The following GRAMD1B variants were observed in gnomAD, a reference collection of about 807,000 sequenced individuals.
GRAMD1B encodes protein Aster-B.
In GRAMD1B, 37 loss-of-function variants were observed where a neutral mutation model predicts 99.7. The observed-to-expected ratio is 0.37, with a 90% CI of 0.29 to 0.49. GRAMD1B has a LOEUF of 0.49. Ranked by LOEUF, GRAMD1B falls within the 20% of genes least tolerant of loss-of-function variation. The probability of loss-of-function intolerance (pLI) is 0.98; values close to 1 mark genes in which losing one functional copy is unlikely to be tolerated. For missense variants in GRAMD1B, 888 were observed against 1,009.2 expected (o/e 0.88, Z 1.63); for synonymous variants, 427 against 387.6 (o/e 1.10, Z -1.19).
At chr11:123,406,040 A>T (rs1481497952) in intron 1 of GRAMD1B, among the ~76,000 whole-genome samples, 31 of 148,006 alleles carry the variant, frequency 2.1e-4, no homozygotes, top group African/African-American at 7.3e-4. Flanking sequence ...TTTGAGACAG[A>T]GTCTTGCTCT....
At chr11:123,621,314 A>G (rs1955090426) in intron 19 of GRAMD1B, among the ~76,000 whole-genome samples, 1 of 152,206 alleles carries the variant, frequency 6.6e-6, no homozygotes, top group South Asian at 2.1e-4. Flanking sequence ...TGATGGTATG[A>G]TGGGCCATTT....
rs1417991712 is a variant in GRAMD1B at position 123,430,860 on chromosome 11, C to A, written c.68C>A (p.Ala23Glu). The change falls in exon 1 of 20, where the codon GCG (alanine) becomes GAG (glutamate). Residue 23 changes from alanine to glutamate, a missense_variant. Physicochemically the swap from Ala to Glu is moderately radical, Grantham distance 107. Around this residue, in one of 5 missense-constraint regions of GRAMD1B, gnomAD observed 233 missense variants for 154.6 expected, o/e 1.51. Transcript: ENST00000635736. ...PALQVPEPQGAPEGSPVWSSS... is the reference protein window; with the variant it reads ...PALQVPEPQGEPEGSPVWSSS... Reference sequence around the variant, plus strand: ...CTGCAGGTGCCCGAGCCGCAGGGTGCGCCCGAGGGCAGCCCGGTCTGGTCC... The same window carrying A: ...CTGCAGGTGCCCGAGCCGCAGGGTGAGCCCGAGGGCAGCCCGGTCTGGTCC... 1.4e-6 allele frequency: 1 copy of A among 701,286 alleles called. No homozygotes were observed. The highest frequency in any genetic ancestry group is 2.6e-6 in the Non-Finnish European group (1 of 384,326). The allele number at this position is 701,286 out of a possible 1,614,324, so 43.4% of individuals were successfully genotyped here. A position where few individuals can be genotyped will look rare whatever the true frequency, so the allele number is the denominator to read the frequency against.
chr11:123,455,227 G>A (rs1950062252), intron 1 of GRAMD1B, among the ~76,000 whole-genome samples: 2 of 152,168 alleles, frequency 1.3e-5, no homozygotes, highest in Admixed American at 1.3e-4. Context: ...TTATGACTAG[G>A]TAGAGATTCC....
intron 1 of GRAMD1B, among the ~76,000 whole-genome samples, chr11:123,441,031 C>T (rs900431157): frequency 3.3e-5 from 5 of 152,304 alleles, no homozygotes; most frequent in East Asian, 1.9e-4. Flanking sequence ...CCACCATGAT[C>T]GTGAGGCCTC....
chr11:123,519,891 A>C (rs1942034698), intron 2 of GRAMD1B, among the ~76,000 whole-genome samples: 1 of 152,134 alleles, frequency 6.6e-6, no homozygotes, highest in Admixed American at 6.5e-5. Context: ...GGCTTCTGCC[A>C]CTCAGTGGCG....
chr11:123,523,671 G>A (rs1270029541), intron 2 of GRAMD1B, among the ~76,000 whole-genome samples: 2 of 152,218 alleles, frequency 1.3e-5, no homozygotes, highest in Non-Finnish European at 2.9e-5. Flanking sequence ...GATGGGCCAG[G>A]ATGAGAATAC....
chr11:123,583,264 CGCATGTGTGTGT>C (rs931532445), intron 3 of GRAMD1B, among the ~76,000 whole-genome samples: 48 of 138,306 alleles, frequency 3.5e-4, no homozygotes, highest in African/African-American at 1.2e-3. Context: ...TGTGCACATG[CGCATGTGTGTGT>C]GCATGTGTGT....
chr11:123,385,644 C>T (rs1947029127), intron 1 of GRAMD1B, among the ~76,000 whole-genome samples: 1 of 152,216 alleles, frequency 6.6e-6, no homozygotes, highest in African/African-American at 2.4e-5. Flanking sequence ...CACTTCCCTT[C>T]TGCCTTGTAG....
chr11:123,423,359 C>G (rs1016695687), intron 1 of GRAMD1B, among the ~76,000 whole-genome samples: 2 of 151,942 alleles, frequency 1.3e-5, no homozygotes, highest in African/African-American at 4.8e-5. Context: ...CTCCTCTTCT[C>G]TTCTCTCTCT....
chr11:123,562,636 A>C (rs1946898067), intron 2 of GRAMD1B, among the ~76,000 whole-genome samples: 2 of 152,228 alleles, frequency 1.3e-5, no homozygotes, highest in South Asian at 4.1e-4. Context: ...TCCAGATAAC[A>C]GACTCTTAAG....
At chr11:123,489,538 T>G (rs552943712) in intron 2 of GRAMD1B, among the ~76,000 whole-genome samples, 19 of 152,022 alleles carry the variant, frequency 1.2e-4, no homozygotes, top group Non-Finnish European at 2.6e-4. Flanking sequence ...GAAAGAATAG[T>G]TAAAAGGGTA....
intron 1 of GRAMD1B, among the ~76,000 whole-genome samples, chr11:123,372,170 A>C (rs529264235): frequency 6.6e-5 from 10 of 152,338 alleles, no homozygotes; most frequent in African/African-American, 2.2e-4. Context: ...ATTACCCAGC[A>C]CTTCAATTTA....
At chr11:123,530,867 A>T (rs1370548483) in intron 2 of GRAMD1B, among the ~76,000 whole-genome samples, 2 of 152,108 alleles carry the variant, frequency 1.3e-5, no homozygotes, top group Non-Finnish European at 2.9e-5. Flanking sequence ...GAACCCTGTA[A>T]TCACCTTTTG....
In GRAMD1B at chr11:123,555,058, A is replaced by T. The variant is rs571037300; in HGVS notation, c.453-22309A>T. ...CTGCAGAAAAGCACCAGAACAAAAA[A>T]GGGCAGCCCCTTCTAGTGTCTCTCT... On this transcript the variant is annotated intron_variant, in intron 2 of 19. Transcript: ENST00000635736. 1.2e-3 allele frequency among the ~76,000 whole-genome samples: 185 copies of T among 152,324 alleles called. 1 individual carries two copies. Among genetic ancestry groups the T allele is most frequent in the African/African-American group, 4.4e-3 (181 of 41,570 alleles).
chr11:123,579,116 T>C (rs985972898), intron 3 of GRAMD1B, among the ~76,000 whole-genome samples: 5 of 152,184 alleles, frequency 3.3e-5, no homozygotes, highest in East Asian at 1.9e-4. Context: ...TTGGCAAACA[T>C]TGGCAGAACC....
At chr11:123,613,414 G>C in intron 15 of GRAMD1B, 41 bp from the exon 16 acceptor site, 1 of 1,400,444 alleles carries the variant, frequency 7.1e-7, no homozygotes, top group South Asian at 1.2e-5. Flanking sequence ...GCATTGGAGG[G>C]CTGAAGGTGG....
Position 123,611,868 on chromosome 11 carries a change from G to C in GRAMD1B, c.1920-893G>C, listed in dbSNP as rs534446177. Among the ~76,000 whole-genome samples the C allele has an allele frequency of 2.4e-4, 37 of 152,206 alleles. 1 individual carries two copies. The highest frequency in any genetic ancestry group is 8.9e-4 in the African/African-American group (37 of 41,530). ...CCTTAGTCACAGGGCGGGATGGGGC[G>C]GGATGGATTAGCTGGGAGAATCTAT... is the stretch of plus-strand genomic sequence containing the variant. On this transcript the variant is annotated intron_variant, in intron 14 of 19. Coordinates refer to ENST00000635736, the MANE Select transcript of GRAMD1B (RefSeq NM_001387025.1).
Position 123,376,983 on chromosome 11 carries a change from G to A in GRAMD1B, c.-176+18184G>A, listed in dbSNP as rs73605927. ...TCTGCCAATCTTAAACCCATAAAAA[G>A]TACAGAGTTCTACGTGTATTAATCA... On this transcript the variant is annotated intron_variant, in intron 1 of 20. Transcript: ENST00000638157. 6.0e-3 allele frequency among the ~76,000 whole-genome samples: 910 copies of A among 152,260 alleles called. 9 individuals carry two copies. Among genetic ancestry groups the A allele is most frequent in the African/African-American group, 0.021 (860 of 41,544 alleles).
intron 1 of GRAMD1B, chr11:123,432,260 G>C (rs992140742): frequency 1.8e-5 from 7 of 385,694 alleles, no homozygotes; most frequent in Non-Finnish European, 2.7e-5. Flanking sequence ...GGGGAGGCTT[G>C]TATAAGAAAT....
Sources: gnomAD v4.1 joint callset for allele counts (sites outside exome capture counted in the v4.1 genomes callset) on GRCh38, gnomAD v4.1.1 for gene constraint, gnomAD v4.1.1 regional missense constraint, MANE v1.5 for transcripts, NCBI Gene and HGNC (gene_info 2026-07-23, HGNC 2026-07-21) for gene names.